COL4A2: variants seen among roughly 807,000 people sequenced by gnomAD.
COL4A2 encodes collagen type IV alpha 2 chain.
In COL4A2, 99 loss-of-function variants were observed where a neutral mutation model predicts 200.2. That is an observed-to-expected ratio of 0.49 (90% CI 0.42 to 0.58). The LOEUF is 0.58. Among genes scored for constraint, COL4A2 ranks in the 20% least tolerant of loss-of-function variants. COL4A2 has a pLI of 0.00. For missense variants in COL4A2, 1,950 were observed against 2,314.1 expected, an observed-to-expected ratio of 0.84 and a Z score of 3.23; for synonymous variants, 897 against 900.6, an observed-to-expected ratio of 1.00 and a Z score of 0.07.
At position 110,457,453 on chromosome 13, in the gene COL4A2, G is replaced by A. The variant is rs745682544; in HGVS notation, c.1432+18G>A. The A allele has an allele frequency of 2.1e-6, 3 of 1,453,010 alleles. No individual in the cohort carries two copies. The highest frequency in any genetic ancestry group is 2.9e-6 in the Non-Finnish European group (3 of 1,033,204). 90.0% of individuals were successfully genotyped at this position (1,453,010 alleles called of 1,614,324 possible). A position where few individuals can be genotyped will look rare whatever the true frequency, so the allele number is the denominator to read the frequency against. ...GTGGAAAGGTAAGAACATCTGGGAG[G>A]GACGGGATGAGGACAGCCTGGCCTT... is the stretch of plus-strand genomic sequence containing the variant. On this transcript the variant is annotated intron_variant, in intron 21 of 47. Coordinates refer to ENST00000360467, the MANE Select transcript of COL4A2 (RefSeq NM_001846.4).
At chr13:110,354,471 C>T (rs1049979920) in intron 3 of COL4A2, among the ~76,000 whole-genome samples, 1 of 152,138 alleles carries the variant, frequency 6.6e-6, no homozygotes, top group African/African-American at 2.4e-5. Flanking sequence ...ATCGTGTTTT[C>T]AGGGCGTGAG....
chr13:110,322,681 T>C (rs1485602756), intron 3 of COL4A2, among the ~76,000 whole-genome samples: 1 of 151,920 alleles, frequency 6.6e-6, no homozygotes, highest in South Asian at 2.1e-4. Flanking sequence ...AGATGGAGAG[T>C]GGAGACAGGG....
In COL4A2 at chr13:110,512,489, C is replaced by T. The variant is rs1414678969; in HGVS notation, c.*298C>T. 11 of 431,804 alleles carry T rather than the reference C, an allele frequency of 2.5e-5. No homozygotes were observed. Among genetic ancestry groups the T allele is most frequent in the Non-Finnish European group, 4.5e-5 (11 of 242,574 alleles). 26.7% of individuals were successfully genotyped at this position (431,804 alleles called of 1,614,324 possible). A position where few individuals can be genotyped will look rare whatever the true frequency, so the allele number is the denominator to read the frequency against. On this transcript the variant is annotated 3_prime_UTR_variant, in exon 48 of 48. Transcript: ENST00000360467. ...ACCACTTCGCACACACCCATGTAAC[C>T]ACTGCACTTTCCAATGCCACAGACA...
intron 10 of COL4A2, chr13:110,430,874 A>G: frequency 4.5e-6 from 3 of 667,462 alleles, no homozygotes; most frequent in Non-Finnish European, 8.4e-6. Context: ...GTGCCCTTCC[A>G]TCCCCACCCC....
intron 47 of COL4A2, among the ~76,000 whole-genome samples, chr13:110,510,665 T>TACACCATGTGTGTGCATGTGTGC (rs1884053889): frequency 1.3e-5 from 2 of 152,166 alleles, no homozygotes; most frequent in Non-Finnish European, 1.5e-5. Context: ...TGCATGAGTG[T>TACACCATGTGTGTGCATGTGTGC]ACACCATGTG....
intron 3 of COL4A2, among the ~76,000 whole-genome samples, chr13:110,336,087 G>A (rs1252428991): frequency 6.6e-6 from 1 of 152,188 alleles, no homozygotes; most frequent in Admixed American, 6.5e-5. Flanking sequence ...TTGCCTCTAT[G>A]TATCTTCTTG....
Position 110,373,438 on chromosome 13 carries a change from A to T in COL4A2, c.180+15886A>T, listed in dbSNP as rs183013868. Among the ~76,000 whole-genome samples the T allele has an allele frequency of 3.2e-4, 48 of 152,344 alleles. No homozygotes were observed. In the East Asian group the frequency reaches 6.5e-3, roughly 21 times the overall value. On this transcript the variant is annotated intron_variant, in intron 4 of 47. Coordinates refer to ENST00000360467, the MANE Select transcript of COL4A2 (RefSeq NM_001846.4). ...AGTGAAATATTTGACTACTTTTCTT[A>T]AAAAAGCAAAAATCAGAACAACTTA...
At chr13:110,330,244 T>C (rs936087698) in intron 3 of COL4A2, among the ~76,000 whole-genome samples, 3 of 152,150 alleles carry the variant, frequency 2.0e-5, no homozygotes, top group African/African-American at 2.4e-5. Context: ...TTTTCGGTAT[T>C]ATAACGGTCA....
At chr13:110,379,540 T>C (rs1180693291) in intron 4 of COL4A2, among the ~76,000 whole-genome samples, 1 of 152,208 alleles carries the variant, frequency 6.6e-6, no homozygotes, top group Non-Finnish European at 1.5e-5. Flanking sequence ...CACAGACTTT[T>C]GGCTGCAGCA....
At chr13:110,385,626 T>C (rs1224123168) in intron 4 of COL4A2, among the ~76,000 whole-genome samples, 2 of 138,160 alleles carry the variant, frequency 1.4e-5, no homozygotes, top group African/African-American at 2.8e-5. Flanking sequence ...GGCTACAGTG[T>C]GTGGATAGGC....
In COL4A2 at chr13:110,428,541, T is replaced by C; in HGVS notation, c.435T>C (p.Gly145=). 1 of 1,579,934 alleles carries C rather than the reference T, an allele frequency of 6.3e-7. No homozygotes were observed. Among genetic ancestry groups the C allele is most frequent in the East Asian group, 2.4e-5 (1 of 40,948 alleles). Residue 145 remains glycine, a synonymous_variant, in exon 7 of 48, where the codon GGT becomes GGC. Coordinates refer to ENST00000360467, the MANE Select transcript of COL4A2 (RefSeq NM_001846.4). The stretch of plus-strand genomic sequence containing the variant: ...GCAACGGAACCCAGGGAGACTCAGG[T>C]CCACAGGGGCCCCCCGGCTCTGAGG... The part of the protein sequence containing the change: ...DGCNGTQGDS[G]PQGPPGSEGF...
At position 110,485,814 on chromosome 13, in the gene COL4A2, T is replaced by G; in HGVS notation, c.3185T>G (p.Phe1062Cys). The G allele has an allele frequency of 1.2e-6, 2 of 1,613,744 alleles. No individual in the cohort carries two copies. Among genetic ancestry groups the G allele is most frequent in the Non-Finnish European group, 1.7e-6 (2 of 1,179,878 alleles). Residue 1062 changes from phenylalanine (F) to cysteine (C), a missense_variant, in exon 34 of 48, where the codon TTC (phenylalanine) becomes TGC (cysteine). Around this residue, in one of 2 missense-constraint regions of COL4A2, gnomAD observed 1,385 missense variants for 1,720.5 expected, o/e 0.80. Transcript: ENST00000360467. Reference protein sequence around the residue: ...GVAGPPGITGFPGFIGSRGDK... With the variant: ...GVAGPPGITGCPGFIGSRGDK... The stretch of plus-strand genomic sequence containing the variant: ...GCTGGCCCCCCTGGAATTACGGGAT[T>G]CCCAGGATTCATAGGAAGCCGGGTG...
In COL4A2 at chr13:110,457,646, C is replaced by CA. The variant is rs1329219348; in HGVS notation, c.1432+211_1432+212insA. 129 of 677,832 alleles carry CA rather than the reference C, an allele frequency of 1.9e-4. 2 individuals are homozygous for CA. The East Asian group carries it at 3.8e-3, about 20-fold the overall frequency. 42.0% of individuals were successfully genotyped at this position (677,832 alleles called of 1,614,324 possible). ...TCTGAGCACTCGGCCCCCAGGCTCA[C>CA]CGTCCCTGCTCTCCATCTGCCATCC... On this transcript the variant is annotated intron_variant, in intron 21 of 47. Coordinates refer to ENST00000360467, the MANE Select transcript of COL4A2 (RefSeq NM_001846.4).
chr13:110,481,600 A>G (rs1882920414), intron 31 of COL4A2, among the ~76,000 whole-genome samples: 1 of 133,240 alleles, frequency 7.5e-6, no homozygotes, highest in Non-Finnish European at 1.6e-5. Context: ...CCGTTGCTGG[A>G]GACACACTGT....
chr13:110,361,650 G>A (rs774039469), intron 4 of COL4A2, among the ~76,000 whole-genome samples: 1 of 152,234 alleles, frequency 6.6e-6, no homozygotes, highest in Non-Finnish European at 1.5e-5. Context: ...TGTGACCAGT[G>A]AATGAGCTTT....
intron 13 of COL4A2, among the ~76,000 whole-genome samples, chr13:110,436,967 C>T (rs2139465264): frequency 2.0e-5 from 3 of 152,266 alleles, no homozygotes; most frequent in South Asian, 2.1e-4. Flanking sequence ...ATGGGGATGG[C>T]GACACTGACC....
chr13:110,476,564 C>A (rs1451600210), intron 29 of COL4A2, among the ~76,000 whole-genome samples: 1 of 152,208 alleles, frequency 6.6e-6, no homozygotes, highest in Non-Finnish European at 1.5e-5. Flanking sequence ...CTGCCCCCTC[C>A]TGTGCACCCC....
At chr13:110,357,344 GC>G (rs1877321423) in intron 3 of COL4A2, 127 bp from the exon 4 acceptor site, 2 of 1,371,600 alleles carry the variant, frequency 1.5e-6, no homozygotes, top group Non-Finnish European at 2.0e-6. Context: ...TTTTAAAAAA[GC>G]CTTATTGAAT....
At chr13:110,484,516 C>T (rs1297373565) in intron 32 of COL4A2, among the ~76,000 whole-genome samples, 2 of 152,150 alleles carry the variant, frequency 1.3e-5, no homozygotes, top group Non-Finnish European at 2.9e-5. Flanking sequence ...ACGGAGCTGG[C>T]GCCTGCCTCA....
Sources: gnomAD v4.1 joint callset for allele counts (sites outside exome capture counted in the v4.1 genomes callset) on GRCh38, gnomAD v4.1.1 for gene constraint, gnomAD v4.1.1 regional missense constraint, MANE v1.5 for transcripts, NCBI Gene and HGNC (gene_info 2026-07-23, HGNC 2026-07-21) for gene names.